RIGI: variants seen among roughly 807,000 people sequenced by gnomAD.
The protein encoded by RIGI is antiviral innate immune response receptor RIG-I.
chr9:32,468,078 AG>A, the RIGI span: 2 of 677,272 alleles, frequency 3.0e-6, no homozygotes, highest in Non-Finnish European at 4.6e-6. Context: ...ACACCTAGGC[AG>A]TGGGATCTAT....
At chr9:32,524,596 G>GTTTTTTGTT in the RIGI span, among the ~76,000 whole-genome samples, 1 of 67,580 alleles carries the variant, frequency 1.5e-5, no homozygotes, top group Non-Finnish European at 2.8e-5. Context: ...TTGTTTTTCG[G>GTTTTTTGTT]TTTTTTTTTT....
At chr9:32,496,904 G>A in the RIGI span, among the ~76,000 whole-genome samples, 1 of 152,068 alleles carries the variant, frequency 6.6e-6, no homozygotes. Flanking sequence ...TGCTCTTTTG[G>A]CCTATTTGTC....
At chr9:32,515,899 C>G in the RIGI span, among the ~76,000 whole-genome samples, 1 of 152,186 alleles carries the variant, frequency 6.6e-6, no homozygotes, top group South Asian at 2.1e-4. Context: ...GGCACTCTTT[C>G]CCAGTCTCTT....
chr9:32,493,762 T>G, the RIGI span: 1 of 1,551,388 alleles, frequency 6.4e-7, no homozygotes, highest in Non-Finnish European at 8.8e-7. Context: ...TTAACTTACC[T>G]GTAGAATTTC....
the RIGI span, among the ~76,000 whole-genome samples, chr9:32,458,228 C>A: frequency 6.6e-6 from 1 of 152,122 alleles, no homozygotes; most frequent in Admixed American, 6.5e-5. Flanking sequence ...AACCCTTTCT[C>A]TGAAAGTTTT....
At chr9:32,474,712 T>C in the RIGI span, among the ~76,000 whole-genome samples, 1 of 152,172 alleles carries the variant, frequency 6.6e-6, no homozygotes, top group African/African-American at 2.4e-5. Flanking sequence ...TGCAGCCTCA[T>C]GAGAGATCTT....
chr9:32,524,596 GTTTTTTTT>G, the RIGI span, among the ~76,000 whole-genome samples: 186 of 67,574 alleles, frequency 2.8e-3, no homozygotes, highest in African/African-American at 3.6e-3. Context: ...TTGTTTTTCG[GTTTTTTTT>G]TTTTTTTTTT....
the RIGI span, among the ~76,000 whole-genome samples, chr9:32,505,373 G>C: frequency 0.6 from 91,007 of 151,736 alleles, 27,672 homozygotes; most frequent in Middle Eastern, 0.68. Flanking sequence ...AGTTCTTCAG[G>C]GTGCTTTTTC....
the RIGI span, among the ~76,000 whole-genome samples, chr9:32,486,082 C>G: frequency 6.6e-6 from 1 of 152,198 alleles, no homozygotes; most frequent in Non-Finnish European, 1.5e-5. Context: ...ACACTTCATG[C>G]TCCATACAGG....
At chr9:32,472,769 C>A in the RIGI span, among the ~76,000 whole-genome samples, 1 of 152,278 alleles carries the variant, frequency 6.6e-6, no homozygotes, top group African/African-American at 2.4e-5. Flanking sequence ...ACAACACACA[C>A]CTCTCATATA....
the RIGI span, chr9:32,457,493 A>AAAAAAAAAG: frequency 8.6e-7 from 1 of 1,160,426 alleles, no homozygotes; most frequent in Non-Finnish European, 1.2e-6. Context: ...TAAAAAAAAA[A>AAAAAAAAAG]AAAAGAAAAC....
chr9:32,458,889 CTTT>C, the RIGI span, among the ~76,000 whole-genome samples: 3 of 125,028 alleles, frequency 2.4e-5, no homozygotes, highest in Admixed American at 8.8e-5. Flanking sequence ...TTTAGCATGA[CTTT>C]TTTTTTTTTT....
the RIGI span, among the ~76,000 whole-genome samples, chr9:32,481,123 T>C: frequency 7.2e-5 from 11 of 152,354 alleles, no homozygotes; most frequent in South Asian, 2.3e-3. Flanking sequence ...TGAGCCTTTA[T>C]TTCAGTCCTG....
chr9:32,521,586 TTTAACCTCAAA>T, the RIGI span, among the ~76,000 whole-genome samples: 1 of 152,222 alleles, frequency 6.6e-6, no homozygotes, highest in African/African-American at 2.4e-5. Context: ...GGGGGTTTTT[TTTAACCTCAAA>T]CTAACTTTTT....
the RIGI span, among the ~76,000 whole-genome samples, chr9:32,465,689 T>A: frequency 6.6e-6 from 1 of 152,222 alleles, no homozygotes; most frequent in Admixed American, 6.5e-5. Context: ...ATTCTAGTGT[T>A]AAAGCTCTCC....
chr9:32,495,352 C>A, the RIGI span, among the ~76,000 whole-genome samples: 5 of 151,578 alleles, frequency 3.3e-5, no homozygotes, highest in African/African-American at 1.2e-4. Flanking sequence ...CAGGCACCCG[C>A]CACCGCACCC....
chr9:32,478,703 G>A, the RIGI span, among the ~76,000 whole-genome samples: 1 of 152,068 alleles, frequency 6.6e-6, no homozygotes, highest in Non-Finnish European at 1.5e-5. Context: ...GGGACCACAG[G>A]AGCATACCAC....
At chr9:32,477,471 A>G in the RIGI span, among the ~76,000 whole-genome samples, 90 of 152,306 alleles carry the variant, frequency 5.9e-4, no homozygotes, top group African/African-American at 2.0e-3. Context: ...AACAATAGGG[A>G]AACAGTTCAA....
chr9:32,499,816 G>A, the RIGI span, among the ~76,000 whole-genome samples: 10 of 152,110 alleles, frequency 6.6e-5, no homozygotes, highest in East Asian at 1.9e-4. Flanking sequence ...GTGCAGCAGC[G>A]CCATCATAGC....
Sources: gnomAD v4.1 joint callset for allele counts (sites outside exome capture counted in the v4.1 genomes callset) on GRCh38, gnomAD v4.1.1 for gene constraint, MANE v1.5 for transcripts, NCBI Gene and HGNC (gene_info 2026-07-23, HGNC 2026-07-21) for gene names.